CHFR: variants seen among roughly 807,000 people sequenced by gnomAD.
CHFR encodes the protein checkpoint with forkhead and ring finger domains.
CHFR carries 57 observed loss-of-function variants against 87.6 expected under a neutral mutation model. The ratio of observed to expected loss-of-function variants is 0.65; its 90% CI spans 0.53 to 0.81. CHFR has a LOEUF of 0.81. Among genes scored for constraint, CHFR ranks in the 30% least tolerant of loss-of-function variants. The pLI is 0.00. For missense variants in CHFR, 797 were observed against 865.8 expected (o/e 0.92, Z 1.00); for synonymous variants, 381 against 359.2 (o/e 1.06, Z -0.69).
At chr12:132,862,374 C>T (rs536448896) in intron 6 of CHFR, 2 of 431,394 alleles carry the variant, frequency 4.6e-6, no homozygotes, top group African/African-American at 2.1e-5. Flanking sequence ...GGGAGGATCA[C>T]TTGATCCCAG....
chr12:132,858,859 G>A (rs12812769), intron 8 of CHFR, among the ~76,000 whole-genome samples: 39,543 of 144,842 alleles, frequency 0.27, 5,545 homozygotes, highest in Middle Eastern at 0.44. Flanking sequence ...TCAGAGAACC[G>A]CTCAATCCTG....
chr12:132,887,131 T>C (rs1951915035), intron 2 of CHFR, 65 bp downstream of exon 2: 2 of 1,359,824 alleles, frequency 1.5e-6, no homozygotes, highest in South Asian at 3.1e-5. Context: ...GCCGCCCGTG[T>C]GGCCTGCCCG....
chr12:132,878,479 A>T (rs555092855), intron 2 of CHFR, among the ~76,000 whole-genome samples: 2 of 151,532 alleles, frequency 1.3e-5, no homozygotes. Context: ...GAAATAAAAA[A>T]AAAAAAAAGC....
chr12:132,843,181 G>T, intron 16 of CHFR, 98 bp from the exon 17 acceptor site: 1 of 1,019,298 alleles, frequency 9.8e-7, no homozygotes, highest in Non-Finnish European at 1.5e-6. Flanking sequence ...ACGCTGCGGT[G>T]GAAACGCACG....
At chr12:132,864,608 C>T (rs902542184) in intron 6 of CHFR, among the ~76,000 whole-genome samples, 5 of 152,180 alleles carry the variant, frequency 3.3e-5, no homozygotes, top group Admixed American at 2.0e-4. Context: ...CATGCCTCAG[C>T]CTCCCGAGTA....
intron 2 of CHFR, among the ~76,000 whole-genome samples, chr12:132,885,591 TCAA>T (rs1029116966): frequency 3.3e-5 from 5 of 152,144 alleles, no homozygotes; most frequent in African/African-American, 1.2e-4. Flanking sequence ...AAAGATAAAC[TCAA>T]CGACATATTT....
Position 132,835,230 on chromosome 12 carries a change from G to A in CHFR, c.*6324C>T, listed in dbSNP as rs1950637431. 6.6e-6 allele frequency: 1 copy of A among 152,192 alleles called. No homozygotes were observed. Among genetic ancestry groups the A allele is most frequent in the Non-Finnish European group, 1.5e-5 (1 of 68,036 alleles). The allele number at this position is 152,192 out of a possible 1,614,324, so 9.4% of individuals were successfully genotyped here. ...GCTCAGCCCACCACGGAGTGTCAAT[G>A]GTATCCAGCATGTGGGGTTTGCCAA... On this transcript the variant is annotated 3_prime_UTR_variant, in exon 18 of 18. Transcript: ENST00000450056.
At chr12:132,859,679 G>C (rs1440883160) in intron 7 of CHFR, among the ~76,000 whole-genome samples, 1 of 152,098 alleles carries the variant, frequency 6.6e-6, no homozygotes, top group Non-Finnish European at 1.5e-5. Flanking sequence ...TTTCTATAAT[G>C]CTCAGATGTT....
chr12:132,847,494 C>G (rs1392966756), intron 14 of CHFR: 52 of 1,098,430 alleles, frequency 4.7e-5, no homozygotes, highest in Non-Finnish European at 5.4e-5. Flanking sequence ...CATCTGTTCT[C>G]TGTGCCCTTC....
intron 15 of CHFR, 69 bp downstream of exon 15, chr12:132,846,974 A>AGCAGACAC (rs1950844164): frequency 2.7e-6 from 3 of 1,101,046 alleles, no homozygotes; most frequent in Non-Finnish European, 4.2e-6. Context: ...TCACTGGGAG[A>AGCAGACAC]GCAGACACGC....
At chr12:132,877,498 A>C (rs1330214527) in intron 3 of CHFR, 57 bp downstream of exon 3, 1 of 1,218,632 alleles carries the variant, frequency 8.2e-7, no homozygotes, top group Non-Finnish European at 1.2e-6. Context: ...CAGAGCACGA[A>C]GTCAGGCTTC....
intron 2 of CHFR, among the ~76,000 whole-genome samples, chr12:132,878,264 T>C (rs1020274796): frequency 1.1e-4 from 16 of 151,270 alleles, no homozygotes; most frequent in Non-Finnish European, 4.4e-5. Context: ...AGGTCAGGAG[T>C]TCGAGACCAG....
At chr12:132,846,054 T>C (rs370903025) in intron 15 of CHFR, among the ~76,000 whole-genome samples, 50 of 152,296 alleles carry the variant, frequency 3.3e-4, no homozygotes, top group African/African-American at 1.1e-3. Context: ...TTCCCCATGT[T>C]GCCTTTCCTT....
intron 4 of CHFR, 134 bp downstream of exon 4, chr12:132,872,151 T>G: frequency 1.5e-6 from 1 of 655,750 alleles, no homozygotes; most frequent in Non-Finnish European, 2.8e-6. Context: ...CAGGAACCCA[T>G]GTGAGCAAGA....
chr12:132,856,158 C>T (rs2062162), intron 10 of CHFR, among the ~76,000 whole-genome samples: 19,780 of 152,184 alleles, frequency 0.13, 2,538 homozygotes, highest in East Asian at 0.46. Flanking sequence ...ACACCCATGA[C>T]GAGTCGAAGC....
At chr12:132,855,253 A>G (rs534061336) in intron 10 of CHFR, among the ~76,000 whole-genome samples, 13 of 152,028 alleles carry the variant, frequency 8.6e-5, no homozygotes, top group Non-Finnish European at 1.2e-4. Context: ...AAAAAAAAAA[A>G]AAAAGAAAAG....
chr12:132,855,904 A>T (rs1361022820), intron 10 of CHFR, among the ~76,000 whole-genome samples: 1 of 152,142 alleles, frequency 6.6e-6, no homozygotes, highest in Admixed American at 6.6e-5. Flanking sequence ...TCGACCCAAC[A>T]TTCAGACCCC....
Position 132,851,723 on chromosome 12 carries a change from C to T in CHFR, c.1387G>A (p.Val463Met), listed in dbSNP as rs776642806. ...VSLTTAVQDYVCPLQGSHALC... is the reference protein window; with the variant it reads ...VSLTTAVQDYMCPLQGSHALC... ...GCGTGGCTTCCTTGCAGAGGGCACACGTAATCCTGGACTGCTGAAGCACAC... is the reference window on the plus strand; with the variant it reads ...GCGTGGCTTCCTTGCAGAGGGCACATGTAATCCTGGACTGCTGAAGCACAC... Residue 463 changes from valine to methionine, a missense_variant, in exon 12 of 18, where the codon GTG (valine) becomes ATG (methionine). Physicochemically the swap from Val to Met is conservative, Grantham distance 21 (BLOSUM62 1). This residue lies in a region of CHFR where 200 missense variants were observed against 264.6 expected (regional missense o/e 0.76). Transcript: ENST00000450056. 7 of 1,613,012 alleles carry T rather than the reference C, an allele frequency of 4.3e-6. No homozygotes were observed. Among genetic ancestry groups the T allele is most frequent in the Admixed American group, 1.7e-5 (1 of 59,954 alleles).
At chr12:132,882,145 GT>G (rs1166209477) in intron 2 of CHFR, among the ~76,000 whole-genome samples, 1 of 152,180 alleles carries the variant, frequency 6.6e-6, no homozygotes, top group African/African-American at 2.4e-5. Flanking sequence ...CAGTATAAAT[GT>G]CCATCCACTG....
Sources: allele counts gnomAD v4.1 joint callset (sites outside exome capture counted in the v4.1 genomes callset), GRCh38; gene constraint gnomAD v4.1.1; regional missense constraint gnomAD v4.1.1; transcripts MANE v1.5; gene names NCBI Gene and HGNC (gene_info 2026-07-23, HGNC 2026-07-21).